FSIP2: variants seen among roughly 807,000 people sequenced by gnomAD.
FSIP2 encodes the protein fibrous sheath interacting protein 2.
Under a neutral mutation model 510.5 loss-of-function variants are expected in FSIP2, and 367 were observed. The observed-to-expected ratio is 0.72, with a 90% CI of 0.66 to 0.78. The LOEUF (loss-of-function observed/expected upper bound fraction) is 0.78. FSIP2 is among the 30% of genes least tolerant of loss of function. The pLI, the probability that FSIP2 is intolerant of heterozygous loss-of-function variation, is 0.00. For missense variants in FSIP2, 7,594 were observed against 7,901.7 expected (o/e 0.96, Z 1.48); for synonymous variants, 2,601 against 2,732.2 (o/e 0.95, Z 1.50).
At chr2:185,814,324 G>A (rs1164529266) in intron 18 of FSIP2, among the ~76,000 whole-genome samples, 1 of 152,090 alleles carries the variant, frequency 6.6e-6, no homozygotes, top group East Asian at 2.0e-4. Flanking sequence ...AAAACAGTTG[G>A]TTTCCACCCT....
chr2:185,809,395 T>C (rs971305556), intron 17 of FSIP2, among the ~76,000 whole-genome samples: 3 of 151,990 alleles, frequency 2.0e-5, no homozygotes, highest in African/African-American at 4.8e-5. Flanking sequence ...AAGAATGAGA[T>C]TGTAAGCACA....
Position 185,761,982 on chromosome 2 carries a change from TG to T in FSIP2, c.1207del (p.Val403TyrfsTer14). On this transcript the variant is annotated frameshift_variant, in exon 11 of 23. Transcript: ENST00000424728. LOFTEE classifies it high-confidence loss of function. ...DNGINQKRDG[M>X]VSKNSSIFDD... Reference sequence around the variant, plus strand: ...TGTGGTACCATGTAGAGAGATGGGATGGTATCTAAAAACTCAAGTATTTTCG... The same window carrying T: ...TGTGGTACCATGTAGAGAGATGGGATGTATCTAAAAACTCAAGTATTTTCG... 6.7e-7 allele frequency: 1 copy of T among 1,483,366 alleles called. No individual in the cohort carries two copies. Among genetic ancestry groups the T allele is most frequent in the Non-Finnish European group, 9.1e-7 (1 of 1,102,430 alleles). The allele number at this position is 1,483,366 out of a possible 1,614,324, so 91.9% of individuals were successfully genotyped here. A position where few individuals can be genotyped will look rare whatever the true frequency, so the allele number is the denominator to read the frequency against.
At position 185,793,329 on chromosome 2, in the gene FSIP2, G is replaced by A. The variant is rs60029104; in HGVS notation, c.6193G>A (p.Asp2065Asn). The A allele has an allele frequency of 0.54, 823,643 of 1,533,360 alleles. 222,719 individuals carry two copies. The highest frequency in any genetic ancestry group is 0.64 in the South Asian group (53,402 of 83,974). 95.0% of individuals were successfully genotyped at this position (1,533,360 alleles called of 1,614,324 possible). Reference sequence around the variant, plus strand: ...CAAAAACAGTTCTGACAAAGAGATCGATTTAGATCAGCAAAAAGGTGTTAT... The same window carrying A: ...CAAAAACAGTTCTGACAAAGAGATCAATTTAGATCAGCAAAAAGGTGTTAT... Reference protein sequence around the residue: ...CDKNSSDKEIDLDQQKGVIEK... With the variant: ...CDKNSSDKEINLDQQKGVIEK... The change falls in exon 16 of 23, where the codon GAT becomes AAT. Residue 2065 changes from aspartate to asparagine, a missense_variant. By Grantham distance (23) the Asp-to-Asn change is conservative (BLOSUM62 1). Transcript: ENST00000424728.
rs1693611323 is a variant in FSIP2 at position 185,807,432 on chromosome 2, A to G, written c.18126A>G (p.Thr6042=). Residue 6042 remains threonine (T), a synonymous_variant, in exon 17 of 23, where the codon ACA becomes ACG. Coordinates refer to ENST00000424728, the MANE Select transcript of FSIP2 (RefSeq NM_173651.4). The stretch of plus-strand genomic sequence containing the variant: ...AAGAACCTGAGGACAATTTGTCCAC[A>G]GAACTGAATTTCCTTCAAATGAAGT... ...KTKEPEDNLS[T]ELNFLQMKLV... is the part of the protein sequence containing the mutation. The G allele has an allele frequency of 1.2e-6, 2 of 1,611,780 alleles. No individual in the cohort carries two copies. The highest frequency in any genetic ancestry group is 1.7e-5 in the Admixed American group (1 of 59,774).
At chr2:185,810,371 G>A (rs1693700640) in intron 17 of FSIP2, among the ~76,000 whole-genome samples, 1 of 151,796 alleles carries the variant, frequency 6.6e-6, no homozygotes, top group Non-Finnish European at 1.5e-5. Context: ...TCACTCCCCT[G>A]CACCCTGCCC....
chr2:185,739,562 A>AT, intron 2 of FSIP2, 91 bp downstream of exon 2: 2 of 1,177,664 alleles, frequency 1.7e-6, no homozygotes, highest in Non-Finnish European at 2.2e-6. Flanking sequence ...CATTAAAGGA[A>AT]TTTGCATCAA....
Position 185,800,357 on chromosome 2 carries a change from T to C in FSIP2, c.11051T>C (p.Val3684Ala). 1 of 1,529,528 alleles carries C rather than the reference T, an allele frequency of 6.5e-7. No homozygotes were observed. The highest frequency in any genetic ancestry group is 8.7e-7 in the Non-Finnish European group (1 of 1,144,370). 94.7% of individuals were successfully genotyped at this position (1,529,528 alleles called of 1,614,324 possible). A position where few individuals can be genotyped will look rare whatever the true frequency, so the allele number is the denominator to read the frequency against. The change falls in exon 17 of 23, where the codon GTT becomes GCT. Residue 3684 changes from valine (V) to alanine (A), a missense_variant. Val to Ala is a moderately conservative substitution (Grantham distance 64, BLOSUM62 0). Transcript: ENST00000424728. Reference sequence around the variant, plus strand: ...CTTGCATGTAAGTTAAACAGCCTGGTTGGTAACCTAAAAACAAGTGAATCC... The same window carrying C: ...CTTGCATGTAAGTTAAACAGCCTGGCTGGTAACCTAAAAACAAGTGAATCC... ...SYLACKLNSLVGNLKTSESKE... is the reference protein window; with the variant it reads ...SYLACKLNSLAGNLKTSESKE...
At chr2:185,798,206 G>A (rs1693344072) in intron 16 of FSIP2, among the ~76,000 whole-genome samples, 2 of 151,952 alleles carry the variant, frequency 1.3e-5, no homozygotes, top group Non-Finnish European at 1.5e-5. Flanking sequence ...CATATGGGAT[G>A]TGCAGTTAAC....
intron 13 of FSIP2, among the ~76,000 whole-genome samples, chr2:185,778,462 CAT>C: frequency 6.6e-6 from 1 of 151,884 alleles, no homozygotes; most frequent in African/African-American, 2.4e-5. Flanking sequence ...TTTTCTAAAT[CAT>C]GTTTAATATC....
rs373514170 is a variant in FSIP2 at position 185,793,613 on chromosome 2, A to G, written c.6477A>G (p.Ile2159Met). 2.6e-6 allele frequency: 4 copies of G among 1,534,026 alleles called. No homozygotes were observed. In the African/African-American group the frequency reaches 5.5e-5, roughly 21 times the overall value. ...KSDVILISND[I>M]VNIVLHNLSS... ...ATGTCATTTTGATATCCAATGATAT[A>G]GTGAATATTGTTCTTCATAATCTCA... The change falls in exon 16 of 23, where the codon ATA becomes ATG. Residue 2159 changes from isoleucine to methionine, a missense_variant. By Grantham distance (10) the Ile-to-Met change is conservative. Transcript: ENST00000424728.
Position 185,802,679 on chromosome 2 carries a change from C to G in FSIP2, c.13373C>G (p.Pro4458Arg). The G allele has an allele frequency of 6.5e-7, 1 of 1,532,600 alleles. No individual in the cohort carries two copies. The allele number at this position is 1,532,600 out of a possible 1,614,324, so 94.9% of individuals were successfully genotyped here. A position where few individuals can be genotyped will look rare whatever the true frequency, so the allele number is the denominator to read the frequency against. ...TCTACTGAGCCAAGCCAGAGTGTAC[C>G]TCTATATAACACCTTGCTGCCATAC... ...SKSTEPSQSV[P>R]LYNTLLPYTF... The change falls in exon 17 of 23, where the codon CCT becomes CGT. Residue 4458 changes from proline to arginine, a missense_variant. By Grantham distance (103) the Pro-to-Arg change is moderately radical. Coordinates refer to ENST00000424728, the MANE Select transcript of FSIP2 (RefSeq NM_173651.4).
chr2:185,763,090 G>A (rs1349319764), intron 11 of FSIP2, 93 bp from the exon 12 acceptor site: 3 of 652,560 alleles, frequency 4.6e-6, no homozygotes, highest in Middle Eastern at 2.9e-4. Flanking sequence ...CAGCTGAGCA[G>A]GGAGAATGTT....
In FSIP2 at chr2:185,790,216, C is replaced by A. The variant is rs1176120490; in HGVS notation, c.3080C>A (p.Ser1027Ter). 6.5e-6 allele frequency: 10 copies of A among 1,531,542 alleles called. No individual in the cohort carries two copies. Among genetic ancestry groups the A allele is most frequent in the Non-Finnish European group, 8.7e-6 (10 of 1,144,992 alleles). The allele number at this position is 1,531,542 out of a possible 1,614,324, so 94.9% of individuals were successfully genotyped here. A position where few individuals can be genotyped will look rare whatever the true frequency, so the allele number is the denominator to read the frequency against. Residue 1027 changes from serine to a stop codon, truncating the protein, a stop_gained, in exon 16 of 23, where the codon TCA becomes TAA. Coordinates refer to ENST00000424728, the MANE Select transcript of FSIP2 (RefSeq NM_173651.4). LOFTEE classifies it high-confidence loss of function. ...ACTTTCAAAGATGAAAAAGTAAAATCACAAGAACAGATTCCTAATCATTGG... is the reference window on the plus strand; with the variant it reads ...ACTTTCAAAGATGAAAAAGTAAAATAACAAGAACAGATTCCTAATCATTGG... ...DSTFKDEKVK[S>*]QEQIPNHWFT...
At chr2:185,761,865 A>T (rs1051638234) in intron 10 of FSIP2, 107 bp from the exon 11 acceptor site, 2 of 563,534 alleles carry the variant, frequency 3.5e-6, no homozygotes, top group Non-Finnish European at 6.1e-6. Context: ...TTACTGGTTA[A>T]AAGAGGGAAA....
At chr2:185,799,359 C>T (rs1693368689) in intron 16 of FSIP2, among the ~76,000 whole-genome samples, 1 of 151,776 alleles carries the variant, frequency 6.6e-6, no homozygotes, top group Non-Finnish European at 1.5e-5. Flanking sequence ...TCACTGGAGA[C>T]ATGGTAGGAT....
Position 185,738,827 on chromosome 2 carries a change from G to A in FSIP2, c.-68G>A. ...CCATTCCTGGTCAGGTCCGGACAGA[G>A]GGACAACGGGGTGCTAGAGAAGGAG... On this transcript the variant is annotated 5_prime_UTR_variant, in exon 1 of 23. Coordinates refer to ENST00000424728, the MANE Select transcript of FSIP2 (RefSeq NM_173651.4). 6.5e-7 allele frequency: 1 copy of A among 1,535,960 alleles called. No homozygotes were observed. Among genetic ancestry groups the A allele is most frequent in the Non-Finnish European group, 8.7e-7 (1 of 1,146,810 alleles).
intron 19 of FSIP2, among the ~76,000 whole-genome samples, chr2:185,822,817 T>C (rs1693948010): frequency 6.6e-6 from 1 of 151,864 alleles, no homozygotes; most frequent in Non-Finnish European, 1.5e-5. Flanking sequence ...ACTACAAAGC[T>C]ACCGTAATCA....
At chr2:185,751,500 G>GTGTGTGTGT (rs1553493318) in intron 7 of FSIP2, among the ~76,000 whole-genome samples, 1 of 58,602 alleles carries the variant, frequency 1.7e-5, no homozygotes, top group East Asian at 6.4e-4. Context: ...TGTGTGTGTG[G>GTGTGTGTGT]TTACTACTCA....
rs1692042434 is a variant in FSIP2 at position 185,746,791 on chromosome 2, T to G, written c.740T>G (p.Leu247Arg). 2 of 1,517,848 alleles carry G rather than the reference T, an allele frequency of 1.3e-6. No homozygotes were observed. The highest frequency in any genetic ancestry group is 2.8e-5 in the African/African-American group (2 of 71,654). The allele number at this position is 1,517,848 out of a possible 1,614,324, so 94.0% of individuals were successfully genotyped here. Residue 247 changes from leucine to arginine, a missense_variant, in exon 6 of 23, where the codon CTT becomes CGT. Coordinates refer to ENST00000424728, the MANE Select transcript of FSIP2 (RefSeq NM_173651.4). ...GAACACACAAGAAGAAAACTTACTC[T>G]TCGTAGAAAAATAGAAGAGGTGAGA... is the stretch of plus-strand genomic sequence containing the variant. ...QREHTRRKLTLRRKIEEEWKT... is the reference protein window; with the variant it reads ...QREHTRRKLTRRRKIEEEWKT...
Sources: allele counts gnomAD v4.1 joint callset (sites outside exome capture counted in the v4.1 genomes callset), GRCh38; gene constraint gnomAD v4.1.1; transcripts MANE v1.5; gene names NCBI Gene and HGNC (gene_info 2026-07-23, HGNC 2026-07-21).